GPR78: variants seen among roughly 807,000 people sequenced by gnomAD.
GPR78 encodes the protein G protein-coupled receptor 78.
In GPR78, 29 loss-of-function variants were observed where a neutral mutation model predicts 17.9. The ratio of observed to expected loss-of-function variants is 1.62; its 90% CI spans 1.20 to 2.21. The LOEUF is 2.21. Among genes scored for constraint, GPR78 ranks in the 30% most tolerant of loss-of-function variants. The pLI is 0.00. For synonymous variants in GPR78, 349 were observed against 256.9 expected, an observed-to-expected ratio of 1.36 and a Z score of -3.43; for missense variants, 649 against 530.5, an observed-to-expected ratio of 1.22 and a Z score of -2.19.
Position 8,582,562 on chromosome 4 carries a change from C to T in GPR78, c.700C>T (p.Arg234Trp), listed in dbSNP as rs765821153. The change falls in exon 2 of 3, where the codon CGG becomes TGG. Residue 234 changes from arginine (R) to tryptophan (W), a missense_variant. Transcript: ENST00000382487. ...GCAGCGCTGCCTCATCCAGCAGAAG[C>T]GGCGCCGCCACCGCGCCACCAGGAA... ...VRQRCLIQQK[R>W]RRHRATRKIG... The T allele has an allele frequency of 9.6e-5, 155 of 1,610,452 alleles. No homozygotes were observed. In the East Asian group the frequency reaches 1.4e-3, roughly 14 times the overall value.
In GPR78 at chr4:8,580,794, C is replaced by T; in HGVS notation, c.-189C>T. The T allele has an allele frequency of 4.9e-6, 3 of 615,026 alleles. No homozygotes were observed. Among genetic ancestry groups the T allele is most frequent in the East Asian group, 3.0e-5 (1 of 33,666 alleles). The allele number at this position is 615,026 out of a possible 1,614,324, so 38.1% of individuals were successfully genotyped here. On this transcript the variant is annotated 5_prime_UTR_variant, in exon 1 of 3. Coordinates refer to ENST00000382487, the MANE Select transcript of GPR78 (RefSeq NM_080819.5). The stretch of plus-strand genomic sequence containing the variant: ...CTCCTGCTCCGCAGAGCTACGCCCT[C>T]CCCCCGGGTGCCCCGGACCCTGCAC...
Position 8,581,435 on chromosome 4 carries a change from C to G in GPR78, c.453C>G (p.Ser151Arg). ...GCTGCTCGTGGCTTGGCTACAGCAG[C>G]GCCTTCGCGTCCTGTTCGCTGCGCC... The part of the protein sequence containing the change: ...ALGCSWLGYS[S>R]AFASCSLRLP... Residue 151 changes from serine (S) to arginine (R), a missense_variant, in exon 1 of 3, where the codon AGC (serine) becomes AGG (arginine). Ser to Arg is a moderately radical substitution (Grantham distance 110). Transcript: ENST00000382487. 1.3e-6 allele frequency: 2 copies of G among 1,588,560 alleles called. No individual in the cohort carries two copies. Among genetic ancestry groups the G allele is most frequent in the Non-Finnish European group, 1.7e-6 (2 of 1,175,136 alleles).
Position 8,587,124 on chromosome 4 carries a change from A to G in GPR78, c.853A>G (p.Ser285Gly), listed in dbSNP as rs961306190. 6.2e-7 allele frequency: 1 copy of G among 1,613,356 alleles called. No individual in the cohort carries two copies. The highest frequency in any genetic ancestry group is 8.5e-7 in the Non-Finnish European group (1 of 1,179,956). The part of the protein sequence containing the change: ...WGILSKCLTY[S>G]KAVADPFTYS... ...CATCCTCAGCAAGTGCCTGACCTAC[A>G]GCAAGGCGGTGGCCGACCCGTTCAC... The change falls in exon 3 of 3, where the codon AGC becomes GGC. Residue 285 changes from serine (S) to glycine (G), a missense_variant. By Grantham distance (56) the Ser-to-Gly change is moderately conservative. Transcript: ENST00000382487.
chr4:8,581,495 C>T lies in GPR78; in HGVS notation c.513C>T (p.Ala171=), dbSNP rs1158901282. 2 of 1,592,338 alleles carry T rather than the reference C, an allele frequency of 1.3e-6. No individual in the cohort carries two copies. Among genetic ancestry groups the T allele is most frequent in the Non-Finnish European group, 1.7e-6 (2 of 1,177,052 alleles). The part of the protein sequence containing the change: ...PPEPERPRFA[A]FTATLHAVGF... ...AGCCTGAGCGTCCGCGCTTCGCAGC[C>T]TTCACCGCCACGCTCCATGCCGTGG... The change falls in exon 1 of 3, where the codon GCC becomes GCT. Residue 171 remains alanine, a synonymous_variant. Coordinates refer to ENST00000382487, the MANE Select transcript of GPR78 (RefSeq NM_080819.5).
Position 8,580,777 on chromosome 4 carries a change from C to G in GPR78, c.-206C>G. The stretch of plus-strand genomic sequence containing the variant: ...AGGGCGGCCCCGGGCTGCTCCTGCT[C>G]CGCAGAGCTACGCCCTCCCCCCGGG... On this transcript the variant is annotated 5_prime_UTR_variant, in exon 1 of 3. Coordinates refer to ENST00000382487, the MANE Select transcript of GPR78 (RefSeq NM_080819.5). The G allele has an allele frequency of 1.7e-6, 1 of 592,926 alleles. No individual in the cohort carries two copies. The highest frequency in any genetic ancestry group is 2.9e-6 in the Non-Finnish European group (1 of 344,692). 36.7% of individuals were successfully genotyped at this position (592,926 alleles called of 1,614,324 possible).
At position 8,587,065 on chromosome 4, in the gene GPR78, T is replaced by C. The variant is rs1713537843; in HGVS notation, c.794T>C (p.Leu265Pro). ...APYVMTRLAE[L>P]VPFVTVNAQW... Reference sequence around the variant, plus strand: ...CGCTTCCCCAACAGGCTGGCGGAGCTCGTGCCCTTCGTCACCGTGAACGCC... The same window carrying C: ...CGCTTCCCCAACAGGCTGGCGGAGCCCGTGCCCTTCGTCACCGTGAACGCC... The change falls in exon 3 of 3, where the codon CTC becomes CCC. Residue 265 changes from leucine (L) to proline (P), a missense_variant. Physicochemically the swap from Leu to Pro is moderately conservative, Grantham distance 98. Transcript: ENST00000382487. 6.2e-7 allele frequency: 1 copy of C among 1,611,336 alleles called. No individual in the cohort carries two copies. The highest frequency in any genetic ancestry group is 1.3e-5 in the African/African-American group (1 of 75,018).
Position 8,589,765 on chromosome 4 carries a change from C to T in GPR78, c.*2402C>T, listed in dbSNP as rs1325650581. On this transcript the variant is annotated 3_prime_UTR_variant, in exon 3 of 3. Coordinates refer to ENST00000382487, the MANE Select transcript of GPR78 (RefSeq NM_080819.5). ...AGGGAGGCACACTGTTTCTTAGAGA[C>T]GGGGACTGCTTGCTGTCATGTTTCG... Among the ~76,000 whole-genome samples the T allele has an allele frequency of 6.6e-6, 1 of 152,216 alleles. No homozygotes were observed. The highest frequency in any genetic ancestry group is 1.5e-5 in the Non-Finnish European group (1 of 68,036).
intron 2 of GPR78, chr4:8,582,998 T>C (rs6829761): frequency 0.44 from 78,027 of 179,128 alleles, 18,036 homozygotes; most frequent in Admixed American, 0.53. Flanking sequence ...GGCGTGGAGT[T>C]GGGAATCTGG....
rs1713635488 is a variant in GPR78, at chr4:8,588,977, C to T, written c.*1614C>T. On this transcript the variant is annotated 3_prime_UTR_variant, in exon 3 of 3. Transcript: ENST00000382487. ...CACCTCCCATGCTCAAGCCATCCTCCCACCTCAGCCTCCTGAGTAGTTGAG... is the reference window on the plus strand; with the variant it reads ...CACCTCCCATGCTCAAGCCATCCTCTCACCTCAGCCTCCTGAGTAGTTGAG... Among the ~76,000 whole-genome samples the T allele has an allele frequency of 6.6e-6, 1 of 152,208 alleles. No individual in the cohort carries two copies. Among genetic ancestry groups the T allele is most frequent in the Non-Finnish European group, 1.5e-5 (1 of 68,042 alleles).
In GPR78 at chr4:8,581,351, C is replaced by T. The variant is rs572396645; in HGVS notation, c.369C>T (p.Ala123=). ...RYAGRLRPRY[A]GLLLGCAWGQ... ...CCGGACGCCTGCGACCGCGCTATGC[C>T]GGCCTGCTGCTGGGCTGTGCCTGGG... Residue 123 remains alanine, a synonymous_variant, in exon 1 of 3, where the codon GCC becomes GCT. Transcript: ENST00000382487. 9.5e-6 allele frequency: 15 copies of T among 1,578,470 alleles called. No individual in the cohort carries two copies. The highest frequency in any genetic ancestry group is 4.5e-5 in the East Asian group (2 of 44,290).
rs778892283 is a variant in GPR78 at position 8,581,276 on chromosome 4, G to C, written c.294G>C (p.Ala98=). ...FLASNAALSV[A]ALSADQWLAV... ...CGTCCAACGCGGCGCTGAGCGTGGC[G>C]GCGCTGAGCGCAGACCAGTGGCTGG... Residue 98 remains alanine (A), a synonymous_variant, in exon 1 of 3, where the codon GCG becomes GCC. Transcript: ENST00000382487. 6 of 1,588,602 alleles carry C rather than the reference G, an allele frequency of 3.8e-6. No homozygotes were observed. In the African/African-American group the frequency reaches 8.0e-5, roughly 21 times the overall value.
chr4:8,586,843 C>T (rs1032795382), intron 2 of GPR78, among the ~76,000 whole-genome samples: 2 of 152,198 alleles, frequency 1.3e-5, no homozygotes, highest in African/African-American at 2.4e-5. Context: ...GGGCTGATGT[C>T]GGCTTGCACC....
In GPR78 at chr4:8,587,278, T is replaced by A. The variant is rs372129495; in HGVS notation, c.1007T>A (p.Leu336Gln). Residue 336 changes from leucine (L) to glutamine (Q), a missense_variant, in exon 3 of 3, where the codon CTG (leucine) becomes CAG (glutamine). Transcript: ENST00000382487. ...SLDVAGMVHQ[L>Q]LKRTPRPAST... Reference sequence around the variant, plus strand: ...GATGTGGCCGGCATGGTGCACCAGCTGCTGAAGAGAACCCCGCGCCCAGCG... The same window carrying A: ...GATGTGGCCGGCATGGTGCACCAGCAGCTGAAGAGAACCCCGCGCCCAGCG... The A allele has an allele frequency of 7.4e-6, 12 of 1,611,172 alleles. No homozygotes were observed. The highest frequency in any genetic ancestry group is 1.0e-5 in the Non-Finnish European group (12 of 1,178,384).
intron 1 of GPR78, 147 bp from the exon 2 acceptor site, chr4:8,582,384 C>T (rs944147796): frequency 3.5e-6 from 2 of 577,036 alleles, no homozygotes; most frequent in African/African-American, 3.7e-5. Flanking sequence ...TTCTTTCTCT[C>T]TCCCCCATCC....
At position 8,587,561 on chromosome 4, in the gene GPR78, G is replaced by C. The variant is rs1423135793; in HGVS notation, c.*198G>C. 5 of 627,910 alleles carry C rather than the reference G, an allele frequency of 8.0e-6. No individual in the cohort carries two copies. Among genetic ancestry groups the C allele is most frequent in the Non-Finnish European group, 1.4e-5 (5 of 362,240 alleles). The allele number at this position is 627,910 out of a possible 1,614,324, so 38.9% of individuals were successfully genotyped here. A position where few individuals can be genotyped will look rare whatever the true frequency, so the allele number is the denominator to read the frequency against. On this transcript the variant is annotated 3_prime_UTR_variant, in exon 3 of 3. Coordinates refer to ENST00000382487, the MANE Select transcript of GPR78 (RefSeq NM_080819.5). The stretch of plus-strand genomic sequence containing the variant: ...TAGTGGCGGAGGAGAGCTCGGGGCT[G>C]GGCTGCCTGGCTGCTGGGTGGCCCC...
chr4:8,585,183 C>T (rs1266711913), intron 2 of GPR78, among the ~76,000 whole-genome samples: 13 of 152,166 alleles, frequency 8.5e-5, no homozygotes, highest in Admixed American at 2.0e-4. Context: ...CTACTGGAGA[C>T]GGGGGAGGGC....
rs1234230298 is a variant in GPR78, at chr4:8,589,110, A to G, written c.*1747A>G. Among the ~76,000 whole-genome samples, 1 of 151,606 alleles carries G rather than the reference A, an allele frequency of 6.6e-6. No individual in the cohort carries two copies. Among genetic ancestry groups the G allele is most frequent in the East Asian group, 2.0e-4 (1 of 5,128 alleles). On this transcript the variant is annotated 3_prime_UTR_variant, in exon 3 of 3. Coordinates refer to ENST00000382487, the MANE Select transcript of GPR78 (RefSeq NM_080819.5). Reference sequence around the variant, plus strand: ...GGTCTTGAATTCCTGAGCTTAAGTGATCCTCCCACCTCAGCCTCCCAAAGT... The same window carrying G: ...GGTCTTGAATTCCTGAGCTTAAGTGGTCCTCCCACCTCAGCCTCCCAAAGT...
Position 8,587,154 on chromosome 4 carries a change from T to G in GPR78, c.883T>G (p.Ser295Ala). ...SKAVADPFTY[S>A]LLRRPFRQVL... ...GGCGGTGGCCGACCCGTTCACGTAC[T>G]CTCTGCTCCGCCGGCCGTTCCGCCA... The change falls in exon 3 of 3, where the codon TCT (serine) becomes GCT (alanine). Residue 295 changes from serine (S) to alanine (A), a missense_variant. Physicochemically the swap from Ser to Ala is moderately conservative, Grantham distance 99. Coordinates refer to ENST00000382487, the MANE Select transcript of GPR78 (RefSeq NM_080819.5). 6.2e-7 allele frequency: 1 copy of G among 1,613,284 alleles called. No individual in the cohort carries two copies. The highest frequency in any genetic ancestry group is 8.5e-7 in the Non-Finnish European group (1 of 1,179,970).
Position 8,587,046 on chromosome 4 carries a change from C to T in GPR78, c.783-8C>T. 1 of 1,608,764 alleles carries T rather than the reference C, an allele frequency of 6.2e-7. No individual in the cohort carries two copies. ...GTGGCTGAGTTAGCTGCTCCGCTTC[C>T]CCAACAGGCTGGCGGAGCTCGTGCC... On this transcript the variant is annotated splice_polypyrimidine_tract_variant and splice_region_variant and intron_variant, in intron 2 of 2. Coordinates refer to ENST00000382487, the MANE Select transcript of GPR78 (RefSeq NM_080819.5).
Sources: gnomAD v4.1 joint callset for allele counts (sites outside exome capture counted in the v4.1 genomes callset) on GRCh38, gnomAD v4.1.1 for gene constraint, MANE v1.5 for transcripts, NCBI Gene and HGNC (gene_info 2026-07-23, HGNC 2026-07-21) for gene names.